The following SHISA9 variants were observed in gnomAD, a reference collection of about 807,000 sequenced individuals.
SHISA9 encodes the protein shisa family member 9.
Under a neutral mutation model 38.0 loss-of-function variants are expected in SHISA9, and 13 were observed. The observed-to-expected ratio is 0.34, with a 90% CI of 0.22 to 0.54. The LOEUF is 0.54. Ranked by LOEUF, SHISA9 falls within the 20% of genes least tolerant of loss-of-function variation. The probability of loss-of-function intolerance (pLI) is 0.91; values close to 1 mark genes in which losing one functional copy is unlikely to be tolerated. For synonymous variants in SHISA9, 275 were observed against 242.0 expected (o/e 1.14, Z -1.27); for missense variants, 538 against 575.8 (o/e 0.93, Z 0.67).
chr16:13,300,304 C>T, the SHISA9 span, among the ~76,000 whole-genome samples: 1 of 152,156 alleles, frequency 6.6e-6, no homozygotes, highest in African/African-American at 2.4e-5. Context: ...CAAAGGGAAG[C>T]CAGCTCCCCT....
intron 2 of SHISA9, among the ~76,000 whole-genome samples, chr16:13,144,084 A>G (rs1158034874): frequency 6.6e-6 from 1 of 151,802 alleles, no homozygotes; most frequent in Admixed American, 6.6e-5. Flanking sequence ...TGGATGATCA[A>G]GAAGCCTTCT....
At position 12,901,834 on chromosome 16, in the gene SHISA9, C is replaced by G. The variant is rs1415157721; in HGVS notation, c.-231C>G. 3 of 151,282 alleles carry G rather than the reference C, an allele frequency of 2.0e-5. No individual in the cohort carries two copies. Among genetic ancestry groups the G allele is most frequent in the African/African-American group, 7.4e-5 (3 of 40,694 alleles). 9.4% of individuals were successfully genotyped at this position (151,282 alleles called of 1,614,324 possible). ...CCGGCCGGGCGCGCTCCTCCCCGGC[C>G]GGCCCCTCGGCGCGCGGCGCGCTGG... On this transcript the variant is annotated 5_prime_UTR_variant, in exon 1 of 5. Coordinates refer to ENST00000558583, the MANE Select transcript of SHISA9 (RefSeq NM_001145204.3).
the SHISA9 span, among the ~76,000 whole-genome samples, chr16:13,273,102 C>A: frequency 6.6e-6 from 1 of 152,152 alleles, no homozygotes; most frequent in Non-Finnish European, 1.5e-5. Context: ...ACTGGCTTCA[C>A]CTGCAATTAG....
the SHISA9 span, among the ~76,000 whole-genome samples, chr16:13,435,798 C>T: frequency 6.6e-6 from 1 of 152,170 alleles, no homozygotes. Context: ...GAACATAGGG[C>T]TTGGGGGTAC....
chr16:13,334,724 A>G, the SHISA9 span, among the ~76,000 whole-genome samples: 1 of 149,792 alleles, frequency 6.7e-6, no homozygotes, highest in Non-Finnish European at 1.5e-5. Flanking sequence ...CAGTGAGCTG[A>G]GATCACACCA....
intron 2 of SHISA9, among the ~76,000 whole-genome samples, chr16:13,007,192 C>T (rs2072609210): frequency 6.6e-6 from 1 of 152,190 alleles, no homozygotes; most frequent in African/African-American, 2.4e-5. Flanking sequence ...CTGGACTTGA[C>T]ATTCTATTAG....
the SHISA9 span, among the ~76,000 whole-genome samples, chr16:13,421,666 A>G: frequency 6.6e-6 from 1 of 152,228 alleles, no homozygotes; most frequent in African/African-American, 2.4e-5. Context: ...GAACAAAGTA[A>G]ACACTCAGTA....
intron 2 of SHISA9, among the ~76,000 whole-genome samples, chr16:13,077,568 G>A (rs2073597739): frequency 6.6e-6 from 1 of 152,120 alleles, no homozygotes; most frequent in Non-Finnish European, 1.5e-5. Flanking sequence ...TAGAAAACTG[G>A]GGGATGGGGA....
At chr16:13,504,275 C>G in the SHISA9 span, among the ~76,000 whole-genome samples, 7 of 151,998 alleles carry the variant, frequency 4.6e-5, no homozygotes, top group South Asian at 1.2e-3. Flanking sequence ...TTAGGATATA[C>G]AAGAGAGAAT....
At chr16:13,417,593 G>A in the SHISA9 span, among the ~76,000 whole-genome samples, 1 of 152,200 alleles carries the variant, frequency 6.6e-6, no homozygotes, top group Non-Finnish European at 1.5e-5. Context: ...GCAAACTGCT[G>A]AACACCACTG....
chr16:13,337,467 T>C, the SHISA9 span, among the ~76,000 whole-genome samples: 1 of 152,172 alleles, frequency 6.6e-6, no homozygotes, highest in Non-Finnish European at 1.5e-5. Flanking sequence ...CTTTCTTTTG[T>C]AAATTGCCCA....
chr16:13,322,149 G>A, the SHISA9 span, among the ~76,000 whole-genome samples: 1 of 152,138 alleles, frequency 6.6e-6, no homozygotes, highest in Non-Finnish European at 1.5e-5. Flanking sequence ...TACAAATACA[G>A]AAATGGCCTC....
chr16:13,417,050 A>G, the SHISA9 span, among the ~76,000 whole-genome samples: 1 of 152,222 alleles, frequency 6.6e-6, no homozygotes, highest in African/African-American at 2.4e-5. Flanking sequence ...CAATTTAAGG[A>G]GCCACACAGA....
chr16:13,212,018 G>A (rs983181227), intron 3 of SHISA9, among the ~76,000 whole-genome samples: 4 of 152,172 alleles, frequency 2.6e-5, no homozygotes, highest in African/African-American at 4.8e-5. Context: ...TCTTGTGAGT[G>A]ATGAGGGGTG....
the SHISA9 span, among the ~76,000 whole-genome samples, chr16:13,397,203 T>G: frequency 6.6e-6 from 1 of 152,232 alleles, no homozygotes; most frequent in Non-Finnish European, 1.5e-5. Flanking sequence ...AATCAGTAAG[T>G]CTGCTAATTA....
chr16:13,156,994 A>G lies in SHISA9; in HGVS notation c.692-46400A>G, dbSNP rs905648929. 3.3e-5 allele frequency among the ~76,000 whole-genome samples: 5 copies of G among 152,272 alleles called. No individual in the cohort carries two copies. The South Asian group carries it at 1.0e-3, about 32-fold the overall frequency. ...TGCAATTTGCAAATTTCCTTTGGAAACCTGGCTGAGGGCTTTTCAAGTATG... is the reference window on the plus strand; with the variant it reads ...TGCAATTTGCAAATTTCCTTTGGAAGCCTGGCTGAGGGCTTTTCAAGTATG... On this transcript the variant is annotated intron_variant, in intron 2 of 4. Transcript: ENST00000558583.
chr16:12,956,394 A>G (rs929556000), intron 2 of SHISA9, among the ~76,000 whole-genome samples: 1 of 152,212 alleles, frequency 6.6e-6, no homozygotes, highest in African/African-American at 2.4e-5. Context: ...GCCTGAAAGG[A>G]AAGAAATAAT....
At chr16:13,310,945 G>C in the SHISA9 span, among the ~76,000 whole-genome samples, 2 of 151,946 alleles carry the variant, frequency 1.3e-5, no homozygotes, top group Non-Finnish European at 2.9e-5. Context: ...GCCTCCCAAC[G>C]TGCTGGTATT....
chr16:12,935,212 A>G (rs2071513371), intron 2 of SHISA9, among the ~76,000 whole-genome samples: 1 of 152,142 alleles, frequency 6.6e-6, no homozygotes, highest in South Asian at 2.1e-4. Context: ...AGAAGTAGGA[A>G]ATGGATCATG....
Sources: gnomAD v4.1 joint callset for allele counts (sites outside exome capture counted in the v4.1 genomes callset) on GRCh38, gnomAD v4.1.1 for gene constraint, MANE v1.5 for transcripts, NCBI Gene and HGNC (gene_info 2026-07-23, HGNC 2026-07-21) for gene names.